The following STPG2 variants were observed in gnomAD, a reference collection of about 807,000 sequenced individuals.
STPG2 encodes the protein sperm tail PG-rich repeat containing 2.
A neutral mutation model predicts 54.2 loss-of-function variants in STPG2; 56 were observed. That is an observed-to-expected ratio of 1.03 (90% CI 0.83 to 1.29). The LOEUF is 1.29. Ranked by LOEUF, STPG2 falls within the 50% of genes most tolerant of loss-of-function variation. The pLI, the probability that STPG2 is intolerant of heterozygous loss-of-function variation, is 0.00. For synonymous variants in STPG2, 200 were observed against 181.8 expected, an observed-to-expected ratio of 1.10 and a Z score of -0.81; for missense variants, 596 against 544.9, an observed-to-expected ratio of 1.09 and a Z score of -0.93.
At chr4:97,773,580 G>A (rs1436232258) in intron 9 of STPG2, among the ~76,000 whole-genome samples, 1 of 151,998 alleles carries the variant, frequency 6.6e-6, no homozygotes, top group Non-Finnish European at 1.5e-5. Context: ...CCAAAGTGTT[G>A]AGATTACAGG....
At chr4:98,108,992 C>A (rs1006214497) in intron 4 of STPG2, among the ~76,000 whole-genome samples, 1 of 152,040 alleles carries the variant, frequency 6.6e-6, no homozygotes, top group Non-Finnish European at 1.5e-5. Flanking sequence ...AACAAGCCTG[C>A]ATGTTCTGCA....
At chr4:97,497,924 T>G (rs370080102) in intron 4 of STPG2, among the ~76,000 whole-genome samples, 2 of 151,864 alleles carry the variant, frequency 1.3e-5, no homozygotes, top group East Asian at 1.9e-4. Context: ...CAATATAACT[T>G]ACTAAGGCTG....
intron 3 of STPG2, 83 bp from the exon 4 acceptor site, chr4:98,109,388 T>C (rs1739281704): frequency 9.7e-7 from 1 of 1,029,608 alleles, no homozygotes; most frequent in South Asian, 1.7e-5. Context: ...TACCTAAGTC[T>C]AAATCTAAAG....
At chr4:97,777,330 T>C (rs201044083) in intron 9 of STPG2, among the ~76,000 whole-genome samples, 1 of 107,532 alleles carries the variant, frequency 9.3e-6, no homozygotes, top group African/African-American at 3.6e-5. Context: ...CATAAAATCA[T>C]CTCTTTCTTT....
intron 10 of STPG2, among the ~76,000 whole-genome samples, chr4:97,603,748 T>G (rs1444061972): frequency 6.6e-6 from 1 of 151,694 alleles, no homozygotes; most frequent in African/African-American, 2.4e-5. Context: ...AGGCAAATAC[T>G]GTATGATTTC....
At chr4:98,111,530 T>C (rs2110146461) in intron 3 of STPG2, among the ~76,000 whole-genome samples, 1 of 152,264 alleles carries the variant, frequency 6.6e-6, no homozygotes, top group East Asian at 1.9e-4. Context: ...CTAAAATTCC[T>C]TGAACTTACC....
intron 9 of STPG2, among the ~76,000 whole-genome samples, chr4:97,784,439 G>T (rs1187329390): frequency 6.6e-6 from 1 of 151,832 alleles, no homozygotes; most frequent in Non-Finnish European, 1.5e-5. Context: ...TGTTTATCTT[G>T]CTATAGTAAT....
chr4:98,071,689 G>A (rs113046727), intron 5 of STPG2, among the ~76,000 whole-genome samples: 11,675 of 151,886 alleles, frequency 0.077, 506 homozygotes, highest in African/African-American at 0.1. Context: ...GATATTCAGC[G>A]ACTACAAGAA....
chr4:97,945,878 G>A (rs1733195662), intron 7 of STPG2, among the ~76,000 whole-genome samples: 1 of 152,040 alleles, frequency 6.6e-6, no homozygotes, highest in East Asian at 1.9e-4. Context: ...GAGCAATATG[G>A]TGAAACCCTA....
intron 4 of STPG2, among the ~76,000 whole-genome samples, chr4:97,442,548 CGA>C (rs1051927912): frequency 2.0e-5 from 3 of 151,936 alleles, no homozygotes; most frequent in African/African-American, 7.3e-5. Flanking sequence ...GGTAATAATA[CGA>C]GAGTGTAGAA....
intron 8 of STPG2, among the ~76,000 whole-genome samples, chr4:97,857,602 C>T (rs1395690905): frequency 1.3e-5 from 2 of 151,988 alleles, no homozygotes; most frequent in African/African-American, 4.8e-5. Context: ...AAAACAATGT[C>T]TCCTGGATTC....
At chr4:97,872,931 C>T (rs547880460) in intron 8 of STPG2, among the ~76,000 whole-genome samples, 122 of 150,982 alleles carry the variant, frequency 8.1e-4, no homozygotes, top group Non-Finnish European at 1.5e-3. Flanking sequence ...CCTGTCCCTG[C>T]GATGAAAGCA....
chr4:97,903,951 G>T (rs576668188), intron 8 of STPG2, among the ~76,000 whole-genome samples: 1 of 152,178 alleles, frequency 6.6e-6, no homozygotes, highest in Non-Finnish European at 1.5e-5. Context: ...AGAGTCCTAC[G>T]CCCACAGAGT....
chr4:97,906,098 A>T (rs1012727813), intron 8 of STPG2, among the ~76,000 whole-genome samples: 3 of 152,112 alleles, frequency 2.0e-5, no homozygotes, highest in African/African-American at 7.2e-5. Flanking sequence ...GAAAGGATCA[A>T]CAAAACTGAT....
At chr4:98,139,771 G>A (rs1740230427) in intron 1 of STPG2, among the ~76,000 whole-genome samples, 1 of 152,180 alleles carries the variant, frequency 6.6e-6, no homozygotes, top group African/African-American at 2.4e-5. Flanking sequence ...CTATAAAACA[G>A]TAAAAGGGTT....
intron 9 of STPG2, among the ~76,000 whole-genome samples, chr4:97,762,059 G>T (rs753259968): frequency 1.2e-4 from 18 of 152,118 alleles, no homozygotes; most frequent in Non-Finnish European, 2.4e-4. Context: ...TGAGTTTTCA[G>T]AAAGGAAAAG....
chr4:97,890,875 T>A (rs1203229954), intron 8 of STPG2, among the ~76,000 whole-genome samples: 1 of 151,876 alleles, frequency 6.6e-6, no homozygotes, highest in Non-Finnish European at 1.5e-5. Context: ...CATCAGCACA[T>A]GTACAAACTA....
intron 8 of STPG2, among the ~76,000 whole-genome samples, chr4:97,889,630 G>C (rs892063022): frequency 6.6e-6 from 1 of 152,176 alleles, no homozygotes; most frequent in African/African-American, 2.4e-5. Flanking sequence ...CATAGAAATA[G>C]AGAGTAGAAC....
chr4:97,562,254 G>C (rs1339439279), intron 10 of STPG2, among the ~76,000 whole-genome samples: 2 of 152,096 alleles, frequency 1.3e-5, no homozygotes, highest in East Asian at 1.9e-4. Context: ...TCTGTTATTG[G>C]TGTATAAGAA....
Sources: allele counts gnomAD v4.1 joint callset (sites outside exome capture counted in the v4.1 genomes callset), GRCh38; gene constraint gnomAD v4.1.1; transcripts MANE v1.5; gene names NCBI Gene and HGNC (gene_info 2026-07-23, HGNC 2026-07-21).